Variants in UCHL3 observed in about 807,000 individuals in gnomAD.
The protein encoded by UCHL3 is ubiquitin carboxyl-terminal hydrolase isozyme L3.
In UCHL3, 22 loss-of-function variants were observed where a neutral mutation model predicts 35.8. The observed-to-expected ratio is 0.61, with a 90% CI of 0.44 to 0.88. UCHL3 has a LOEUF of 0.88. UCHL3 is among the 40% of genes least tolerant of loss of function. The probability of loss-of-function intolerance (pLI) is 0.00; values close to 1 mark genes in which losing one functional copy is unlikely to be tolerated. For missense variants in UCHL3, 229 were observed against 276.9 expected (o/e 0.83, Z 1.23); for synonymous variants, 90 against 92.8 (o/e 0.97, Z 0.17).
chr13:75,605,028 G>A (rs779277897), intron 8 of UCHL3: 4 of 413,048 alleles, frequency 9.7e-6, no homozygotes, highest in Non-Finnish European at 1.7e-5. Context: ...ATGAACAAAT[G>A]TAAAAATTGA....
intron 6 of UCHL3, among the ~76,000 whole-genome samples, chr13:75,581,330 A>T (rs2032176115): frequency 6.7e-6 from 1 of 149,070 alleles, no homozygotes; most frequent in Non-Finnish European, 1.5e-5. Flanking sequence ...GTACCCACCA[A>T]ACTAAACACT....
chr13:75,556,241 A>G (rs1401136822), intron 2 of UCHL3, among the ~76,000 whole-genome samples: 1 of 152,154 alleles, frequency 6.6e-6, no homozygotes, highest in African/African-American at 2.4e-5. Flanking sequence ...TTCTTAATCC[A>G]CACATAAAGT....
intron 2 of UCHL3, among the ~76,000 whole-genome samples, chr13:75,558,037 T>C (rs985568359): frequency 6.6e-6 from 1 of 151,918 alleles, no homozygotes; most frequent in Non-Finnish European, 1.5e-5. Flanking sequence ...CCAGAGGTAG[T>C]CTTTATAGCT....
intron 2 of UCHL3, among the ~76,000 whole-genome samples, chr13:75,555,880 A>C (rs1354077262): frequency 6.6e-6 from 1 of 152,198 alleles, no homozygotes; most frequent in Non-Finnish European, 1.5e-5. Context: ...GGCATGTGCC[A>C]CTGTACCTGG....
At chr13:75,558,099 T>G (rs1037344007) in intron 2 of UCHL3, among the ~76,000 whole-genome samples, 1 of 152,180 alleles carries the variant, frequency 6.6e-6, no homozygotes, top group Non-Finnish European at 1.5e-5. Context: ...CTCATGGCAA[T>G]CTGGAGTCAG....
intron 6 of UCHL3, among the ~76,000 whole-genome samples, chr13:75,584,283 G>A (rs1409576840): frequency 1.3e-5 from 2 of 152,130 alleles, no homozygotes; most frequent in East Asian, 3.9e-4. Context: ...TCAAATGTGT[G>A]GGGATGGGTC....
chr13:75,570,802 C>T (rs530586808), intron 6 of UCHL3, among the ~76,000 whole-genome samples: 1 of 152,152 alleles, frequency 6.6e-6, no homozygotes, highest in East Asian at 1.9e-4. Flanking sequence ...GCACTAGCTA[C>T]TAGGGAGGCT....
At chr13:75,551,177 C>A (rs2031091796) in intron 2 of UCHL3, among the ~76,000 whole-genome samples, 1 of 152,110 alleles carries the variant, frequency 6.6e-6, no homozygotes, top group South Asian at 2.1e-4. Flanking sequence ...CGCCTGTAAT[C>A]CTAGCACTGG....
intron 3 of UCHL3, among the ~76,000 whole-genome samples, chr13:75,562,060 A>G (rs1157963767): frequency 6.6e-6 from 1 of 152,064 alleles, no homozygotes; most frequent in Non-Finnish European, 1.5e-5. Flanking sequence ...TGTGAGAGAA[A>G]TATGTTGATG....
chr13:75,589,802 C>A (rs1382453595), intron 6 of UCHL3: 4 of 665,720 alleles, frequency 6.0e-6, no homozygotes, highest in African/African-American at 1.9e-5. Context: ...CATACATGAT[C>A]CTTTGCTAGA....
At chr13:75,575,032 A>G (rs2031978187) in intron 6 of UCHL3, among the ~76,000 whole-genome samples, 1 of 152,194 alleles carries the variant, frequency 6.6e-6, no homozygotes, top group African/African-American at 2.4e-5. Context: ...ATATAGTGTA[A>G]TAACAAGTAG....
intron 6 of UCHL3, among the ~76,000 whole-genome samples, chr13:75,582,068 T>G (rs907852242): frequency 2.0e-5 from 3 of 152,178 alleles, no homozygotes; most frequent in African/African-American, 7.2e-5. Context: ...TGCCTCTGGC[T>G]TTCACACTCA....
intron 3 of UCHL3, among the ~76,000 whole-genome samples, chr13:75,563,797 A>G (rs2031593620): frequency 6.6e-6 from 1 of 152,136 alleles, no homozygotes; most frequent in African/African-American, 2.4e-5. Flanking sequence ...TTTTCCATGT[A>G]TCAGTGATAT....
At chr13:75,578,353 C>A (rs1044954816) in intron 6 of UCHL3, among the ~76,000 whole-genome samples, 2 of 152,018 alleles carry the variant, frequency 1.3e-5, no homozygotes, top group African/African-American at 4.8e-5. Context: ...TTTTGGGTAG[C>A]TTCTTGTAGG....
At chr13:75,595,458 G>A (rs900238398) in intron 7 of UCHL3, among the ~76,000 whole-genome samples, 3 of 151,806 alleles carry the variant, frequency 2.0e-5, no homozygotes, top group Non-Finnish European at 2.9e-5. Flanking sequence ...TTAGCCCGGC[G>A]TGGTGGCACA....
intron 6 of UCHL3, among the ~76,000 whole-genome samples, chr13:75,584,857 T>C (rs2032280327): frequency 6.6e-6 from 1 of 151,876 alleles, no homozygotes; most frequent in East Asian, 1.9e-4. Flanking sequence ...CTCAACAAAG[T>C]TGAGAAAAGA....
At chr13:75,605,067 C>T (rs567989924) in intron 8 of UCHL3, 3 of 360,668 alleles carry the variant, frequency 8.3e-6, no homozygotes, top group Admixed American at 9.2e-5. Context: ...GAAAGACTTG[C>T]TCATTATATC....
At chr13:75,558,262 G>A (rs2031358614) in intron 2 of UCHL3, among the ~76,000 whole-genome samples, 2 of 152,076 alleles carry the variant, frequency 1.3e-5, no homozygotes, top group Non-Finnish European at 1.5e-5. Context: ...CATTCATTAT[G>A]TCCTCAGTTT....
In UCHL3 at chr13:75,554,048, ATTTC is replaced by A. The variant is rs983877488; in HGVS notation, c.54+4073_54+4076del. On this transcript the variant is annotated intron_variant, in intron 2 of 8. Coordinates refer to ENST00000377595, the MANE Select transcript of UCHL3 (RefSeq NM_006002.5). ...AACCTCTTTGTGTCTTAGTTCCTTA[ATTTC>A]TTTCTTTCTTTTTTCCTTTTTTAAA... Among the ~76,000 whole-genome samples the A allele has an allele frequency of 2.6e-5, 4 of 151,756 alleles. No individual in the cohort carries two copies. The South Asian group carries it at 6.2e-4, about 24-fold the overall frequency.
Sources: allele counts gnomAD v4.1 joint callset (sites outside exome capture counted in the v4.1 genomes callset), GRCh38; gene constraint gnomAD v4.1.1; transcripts MANE v1.5; gene names NCBI Gene and HGNC (gene_info 2026-07-23, HGNC 2026-07-21).